GPR17: variants seen among roughly 807,000 people sequenced by gnomAD.
GPR17 encodes the protein uracil nucleotide/cysteinyl leukotriene receptor.
Under a neutral mutation model 1.5 loss-of-function variants are expected in GPR17, and 4 were observed. The ratio of observed to expected loss-of-function variants is 2.73; its 90% CI spans 1.35 to 6.25. The LOEUF is 6.25. GPR17 is among the 30% of genes most tolerant of loss of function. GPR17 has a pLI of 0.00. For synonymous variants in GPR17, 209 were observed against 207.6 expected, an observed-to-expected ratio of 1.01 and a Z score of -0.06; for missense variants, 463 against 462.1, an observed-to-expected ratio of 1.00 and a Z score of -0.02.
At chr2:127,649,535 G>A (rs745506399) in intron 1 of GPR17, among the ~76,000 whole-genome samples, 10 of 152,232 alleles carry the variant, frequency 6.6e-5, no homozygotes, top group Non-Finnish European at 5.9e-5. Context: ...GGCCAGGTGC[G>A]CTGTCCTGCC....
chr2:127,649,935 G>C lies in GPR17; in HGVS notation c.-20-781G>C. 3.2e-6 allele frequency: 4 copies of C among 1,251,396 alleles called. No individual in the cohort carries two copies. The South Asian group carries it at 5.1e-5, about 16-fold the overall frequency. The allele number at this position is 1,251,396 out of a possible 1,614,324, so 77.5% of individuals were successfully genotyped here. A position where few individuals can be genotyped will look rare whatever the true frequency, so the allele number is the denominator to read the frequency against. On this transcript the variant is annotated intron_variant, in intron 1 of 1. Coordinates refer to ENST00000486700, the MANE Select transcript of GPR17 (RefSeq NM_001161417.2). ...TGCCCCCTGGTGGTGGATCTACTCTGGGAGAGAAAATACTCCCAGCTGGCC... is the reference window on the plus strand; with the variant it reads ...TGCCCCCTGGTGGTGGATCTACTCTCGGAGAGAAAATACTCCCAGCTGGCC...
chr2:127,647,076 A>C lies in GPR17; in HGVS notation c.-21+832A>C, dbSNP rs1327375672. Reference sequence around the variant, plus strand: ...GGCCCCCGGGCTGGAGGCAGGAGGCACCACAGGCCCACCTGGTGCCATGAG... The same window carrying C: ...GGCCCCCGGGCTGGAGGCAGGAGGCCCCACAGGCCCACCTGGTGCCATGAG... On this transcript the variant is annotated intron_variant, in intron 1 of 1. Coordinates refer to ENST00000486700, the MANE Select transcript of GPR17 (RefSeq NM_001161417.2). The surrounding 1 kb of genome is among the most constrained non-coding windows in gnomAD (Gnocchi z 4.3). 6.6e-6 allele frequency among the ~76,000 whole-genome samples: 1 copy of C among 152,132 alleles called. No homozygotes were observed. Among genetic ancestry groups the C allele is most frequent in the Non-Finnish European group, 1.5e-5 (1 of 68,010 alleles).
intron 1 of GPR17, chr2:127,650,154 GGGGCAAGCCAT>G (rs1683580803): frequency 2.3e-6 from 3 of 1,320,788 alleles, no homozygotes; most frequent in Admixed American, 2.0e-5. Context: ...CTAAGTGCCA[GGGGCAAGCCAT>G]GGTCAGGGGA....
rs148246717 is a variant in GPR17, at chr2:127,651,439, G to A, written c.704G>A (p.Arg235His). 4.7e-4 allele frequency: 761 copies of A among 1,612,650 alleles called. No homozygotes were observed. Among genetic ancestry groups the A allele is most frequent in the Admixed American group, 7.0e-4 (42 of 60,008 alleles). ...VEKRLKTKAV[R>H]MIAIVLAIFL... The stretch of plus-strand genomic sequence containing the variant: ...AAGCGCCTCAAGACCAAGGCAGTGC[G>A]CATGATCGCCATAGTGCTGGCCATC... Residue 235 changes from arginine (R) to histidine (H), a missense_variant, in exon 2 of 2, where the codon CGC becomes CAC. By Grantham distance (29) the Arg-to-His change is conservative. Coordinates refer to ENST00000486700, the MANE Select transcript of GPR17 (RefSeq NM_001161417.2).
chr2:127,649,167 G>GGAAGGAAA, intron 1 of GPR17, among the ~76,000 whole-genome samples: 1 of 86,782 alleles, frequency 1.2e-5, no homozygotes, highest in South Asian at 3.4e-4. Context: ...GAGGAAGGTA[G>GGAAGGAAA]GAAGGAAGGA....
chr2:127,649,933 C>T (rs545686843), intron 1 of GPR17: 11 of 1,238,560 alleles, frequency 8.9e-6, no homozygotes, highest in African/African-American at 7.5e-5. Flanking sequence ...TGGATCTACT[C>T]TGGGAGAGAA....
rs1433994872 is a variant in GPR17, at chr2:127,647,334, A to G, written c.-21+1090A>G. Among the ~76,000 whole-genome samples the G allele has an allele frequency of 2.0e-5, 3 of 152,140 alleles. No individual in the cohort carries two copies. The highest frequency in any genetic ancestry group is 4.4e-5 in the Non-Finnish European group (3 of 68,002). ...CACCCTGGCGGTCTTCCAGGGAGTG[A>G]GACCGTTTCCCCGGTCTCACTTCCA... On this transcript the variant is annotated intron_variant, in intron 1 of 1. Coordinates refer to ENST00000486700, the MANE Select transcript of GPR17 (RefSeq NM_001161417.2). The surrounding 1 kb of genome is among the most constrained non-coding windows in gnomAD (Gnocchi z 4.3).
At position 127,651,333 on chromosome 2, in the gene GPR17, G is replaced by A. The variant is rs750839136; in HGVS notation, c.598G>A (p.Ala200Thr). The A allele has an allele frequency of 1.2e-6, 2 of 1,611,184 alleles. No homozygotes were observed. ...SHHALVSLAVAFTFPFITTVT... is the reference protein window; with the variant it reads ...SHHALVSLAVTFTFPFITTVT... Reference sequence around the variant, plus strand: ...CCATGCCCTGGTGTCCCTGGCAGTGGCCTTCACCTTCCCGTTCATCACCAC... The same window carrying A: ...CCATGCCCTGGTGTCCCTGGCAGTGACCTTCACCTTCCCGTTCATCACCAC... The change falls in exon 2 of 2, where the codon GCC becomes ACC. Residue 200 changes from alanine to threonine, a missense_variant. Physicochemically the swap from Ala to Thr is moderately conservative, Grantham distance 58. Transcript: ENST00000486700.
intron 1 of GPR17, among the ~76,000 whole-genome samples, chr2:127,649,427 G>A (rs945741832): frequency 6.6e-6 from 1 of 152,220 alleles, no homozygotes; most frequent in Admixed American, 6.5e-5. Context: ...TGGGGATGGT[G>A]GATACTGGGA....
At position 127,650,922 on chromosome 2, in the gene GPR17, G is replaced by A. The variant is rs143816482; in HGVS notation, c.187G>A (p.Gly63Arg). The change falls in exon 2 of 2, where the codon GGG (glycine) becomes AGG (arginine). Residue 63 changes from glycine (G) to arginine (R), a missense_variant. Coordinates refer to ENST00000486700, the MANE Select transcript of GPR17 (RefSeq NM_001161417.2). ...GCTTTTCATCCGAGACCACAAGTCC[G>A]GGACCCCGGCCAACGTGTTCCTGAT... ...LWLFIRDHKS[G>R]TPANVFLMHL... The A allele has an allele frequency of 1.7e-4, 276 of 1,614,014 alleles. No homozygotes were observed. Among genetic ancestry groups the A allele is most frequent in the Non-Finnish European group, 2.1e-4 (252 of 1,180,042 alleles).
intron 1 of GPR17, 144 bp from the exon 2 acceptor site, chr2:127,650,572 G>C: frequency 1.6e-6 from 1 of 625,882 alleles, no homozygotes; most frequent in South Asian, 2.0e-5. Context: ...TGGACAAGGA[G>C]GTCCCCTCAG....
rs745935215 is a variant in GPR17, at chr2:127,651,534, GCCTCCTGCGCCACCCAGCGCATCCTGGC to G, written c.803_830del (p.Ser268TrpfsTer57). The G allele has an allele frequency of 6.2e-7, 1 of 1,612,458 alleles. No individual in the cohort carries two copies. The highest frequency in any genetic ancestry group is 8.5e-7 in the Non-Finnish European group (1 of 1,180,036). On this transcript the variant is annotated frameshift_variant, in exon 2 of 2. Coordinates refer to ENST00000486700, the MANE Select transcript of GPR17 (RefSeq NM_001161417.2). LOFTEE classifies it low-confidence loss of function (END_TRUNC). ...CGTGCTGCACTACCGCAGCCATGGG[GCCTCCTGCGCCACCCAGCGCATCCTGGC>G]CCTGGCAAACCGCATCACCTCCTGC... is the stretch of plus-strand genomic sequence containing the variant.
intron 1 of GPR17, among the ~76,000 whole-genome samples, chr2:127,649,086 AAAAAGAAAAAAG>A (rs1290358348): frequency 4.8e-5 from 7 of 146,904 alleles, no homozygotes; most frequent in East Asian, 2.0e-4. Flanking sequence ...AAGAAAAGAA[AAAAAGAAAAAAG>A]AAAAGAAAAA....
Position 127,651,106 on chromosome 2 carries a change from G to A in GPR17, c.371G>A (p.Cys124Tyr). 1.9e-6 allele frequency: 3 copies of A among 1,613,528 alleles called. No homozygotes were observed. The highest frequency in any genetic ancestry group is 1.1e-5 in the South Asian group (1 of 91,092). Residue 124 changes from cysteine to tyrosine, a missense_variant, in exon 2 of 2, where the codon TGC becomes TAC. Transcript: ENST00000486700. ...NMYASIYFLTCISADRFLAIV... is the reference protein window; with the variant it reads ...NMYASIYFLTYISADRFLAIV... ...TACGCCAGCATCTACTTCCTCACCT[G>A]CATCAGCGCCGACCGTTTCCTGGCC...
intron 1 of GPR17, among the ~76,000 whole-genome samples, chr2:127,649,211 G>A (rs1327364592): frequency 6.6e-6 from 1 of 150,604 alleles, no homozygotes; most frequent in Non-Finnish European, 1.5e-5. Context: ...AAGGAAGGAA[G>A]GGCAGGGAGA....
At chr2:127,650,132 G>C in intron 1 of GPR17, 1 of 1,490,432 alleles carries the variant, frequency 6.7e-7, no homozygotes, top group Non-Finnish European at 9.2e-7. Flanking sequence ...CTGCCATCCT[G>C]GGGGCACCCT....
intron 1 of GPR17, chr2:127,650,061 T>C (rs1683567609): frequency 1.2e-6 from 2 of 1,607,260 alleles, no homozygotes; most frequent in East Asian, 2.2e-5. Context: ...CCAAGAGAGA[T>C]GCTGAAACTC....
rs200796978 is a variant in GPR17 at position 127,651,746 on chromosome 2, A to G, written c.1011A>G (p.Ser337=). 6 of 1,611,512 alleles carry G rather than the reference A, an allele frequency of 3.7e-6. No individual in the cohort carries two copies. The Admixed American group carries it at 5.0e-5, about 13-fold the overall frequency. The change falls in exon 2 of 2, where the codon TCA becomes TCG. Residue 337 remains serine (S), a synonymous_variant. Coordinates refer to ENST00000486700, the MANE Select transcript of GPR17 (RefSeq NM_001161417.2). ...KTNESSLSAK[S]EL Reference sequence around the variant, plus strand: ...ACGAGAGCTCGCTGAGTGCCAAGTCAGAGCTGTGAGCGGGGGGCGCCGTCC... The same window carrying G: ...ACGAGAGCTCGCTGAGTGCCAAGTCGGAGCTGTGAGCGGGGGGCGCCGTCC...
In GPR17 at chr2:127,651,730, CGCTGAGT is replaced by C. The variant is rs747978437; in HGVS notation, c.998_1004del (p.Leu333ProfsTer40). ...TTCGAAGGGAAAACCAACGAGAGCT[CGCTGAGT>C]GCCAAGTCAGAGCTGTGAGCGGGGG... On this transcript the variant is annotated frameshift_variant, in exon 2 of 2. Coordinates refer to ENST00000486700, the MANE Select transcript of GPR17 (RefSeq NM_001161417.2). LOFTEE classifies it high-confidence loss of function. The C allele has an allele frequency of 2.9e-5, 47 of 1,612,686 alleles. 1 individual carries two copies. The South Asian group carries it at 5.1e-4, about 17-fold the overall frequency.
Sources: gnomAD v4.1 joint callset for allele counts (sites outside exome capture counted in the v4.1 genomes callset) on GRCh38, gnomAD v4.1.1 for gene constraint, Gnocchi (gnomAD v3.1) non-coding constraint, MANE v1.5 for transcripts, NCBI Gene and HGNC (gene_info 2026-07-23, HGNC 2026-07-21) for gene names.